The following ZRANB3 variants were observed in gnomAD, a reference collection of about 807,000 sequenced individuals.
ZRANB3 encodes the protein DNA annealing helicase and endonuclease ZRANB3.
A neutral mutation model predicts 133.8 loss-of-function variants in ZRANB3; 125 were observed. That is an observed-to-expected ratio of 0.93 (90% CI 0.81 to 1.08). The LOEUF (loss-of-function observed/expected upper bound fraction) is 1.08, where lower values mean the gene tolerates loss of function less well. Among genes scored for constraint, ZRANB3 ranks in the 50% least tolerant of loss-of-function variants. The probability of loss-of-function intolerance (pLI) is 0.00; values close to 1 mark genes in which losing one functional copy is unlikely to be tolerated. For synonymous variants in ZRANB3, 387 were observed against 432.7 expected, an observed-to-expected ratio of 0.89 and a Z score of 1.31; for missense variants, 1,229 against 1,275.5, an observed-to-expected ratio of 0.96 and a Z score of 0.56.
intron 2 of ZRANB3, among the ~76,000 whole-genome samples, chr2:135,416,902 C>A (rs1244721313): frequency 1.3e-5 from 2 of 152,032 alleles, no homozygotes; most frequent in South Asian, 2.1e-4. Flanking sequence ...AACTGGCTAG[C>A]CATATGTAAA....
chr2:135,522,475 G>A (rs1347668053), intron 1 of ZRANB3, among the ~76,000 whole-genome samples: 1 of 152,134 alleles, frequency 6.6e-6, no homozygotes. Flanking sequence ...CCAACAGGGA[G>A]AAAAAAGCCA....
intron 12 of ZRANB3, among the ~76,000 whole-genome samples, chr2:135,251,260 T>A (rs935835497): frequency 6.6e-5 from 10 of 152,226 alleles, no homozygotes; most frequent in Admixed American, 6.5e-4. Flanking sequence ...CCATTGTATC[T>A]AGGAAGTAAC....
At chr2:135,349,484 C>G (rs116786481) in intron 5 of ZRANB3, among the ~76,000 whole-genome samples, 2,556 of 152,260 alleles carry the variant, frequency 0.017, 75 homozygotes, top group African/African-American at 0.058. Context: ...CAAACACATG[C>G]CTTATTCTTT....
intron 2 of ZRANB3, among the ~76,000 whole-genome samples, chr2:135,448,352 C>T (rs1045222587): frequency 3.3e-5 from 5 of 152,094 alleles, no homozygotes; most frequent in Non-Finnish European, 7.4e-5. Context: ...TCTGAACAGC[C>T]GCTATACATT....
intron 2 of ZRANB3, among the ~76,000 whole-genome samples, chr2:135,394,485 C>G (rs570583711): frequency 1.3e-5 from 2 of 151,726 alleles, no homozygotes; most frequent in Non-Finnish European, 2.9e-5. Context: ...AGATGGGAAG[C>G]TGAAATTAAA....
intron 2 of ZRANB3, among the ~76,000 whole-genome samples, chr2:135,427,488 A>G (rs1396757603): frequency 6.6e-6 from 1 of 152,196 alleles, no homozygotes; most frequent in African/African-American, 2.4e-5. Flanking sequence ...TAAAATACCT[A>G]GGAATACAGC....
At chr2:135,349,357 G>GCCTC (rs1164028939) in intron 5 of ZRANB3, among the ~76,000 whole-genome samples, 2 of 152,188 alleles carry the variant, frequency 1.3e-5, no homozygotes, top group African/African-American at 4.8e-5. Context: ...AGTAAACAGA[G>GCCTC]CCTCCTTAAA....
Position 135,426,612 on chromosome 2 carries a change from G to A in ZRANB3, c.162-35792C>T, listed in dbSNP as rs374438496. Among the ~76,000 whole-genome samples, 8 of 151,388 alleles carry A rather than the reference G, an allele frequency of 5.3e-5. No homozygotes were observed. The East Asian group carries it at 7.8e-4, about 15-fold the overall frequency. ...TGGGAGGCTGGGGCGGGCGGATCAC[G>A]AGGTCAGGAGATGGAGAATATCCTG... On this transcript the variant is annotated intron_variant, in intron 2 of 20. Transcript: ENST00000264159.
chr2:135,238,244 A>G (rs1695391212), intron 12 of ZRANB3, among the ~76,000 whole-genome samples: 1 of 152,200 alleles, frequency 6.6e-6, no homozygotes, highest in Non-Finnish European at 1.5e-5. Flanking sequence ...GGTCACACCA[A>G]TTCTTATGTC....
rs187053302 is a variant in ZRANB3 at position 135,472,585 on chromosome 2, T to C, written c.161+31744A>G. On this transcript the variant is annotated intron_variant, in intron 2 of 20. Transcript: ENST00000264159. The stretch of plus-strand genomic sequence containing the variant: ...TTGCATTGTCACTATTTGACTTTTT[T>C]CCCCCAGTCTTGCATTATGACATGT... 2.6e-3 allele frequency among the ~76,000 whole-genome samples: 398 copies of C among 152,176 alleles called. 1 individual carries two copies. The highest frequency in any genetic ancestry group is 8.9e-3 in the African/African-American group (368 of 41,512).
chr2:135,199,609 C>T lies in ZRANB3; in HGVS notation c.*733G>A, dbSNP rs1693537210. ...GCCACCGCGCCCAGCCAACAGTAAG[C>T]CTAGTTTTATTCATTTTTTAAAAAA... On this transcript the variant is annotated 3_prime_UTR_variant, in exon 21 of 21. Coordinates refer to ENST00000264159, the MANE Select transcript of ZRANB3 (RefSeq NM_032143.4). 1 of 152,010 alleles carries T rather than the reference C, an allele frequency of 6.6e-6. No homozygotes were observed. The allele number at this position is 152,010 out of a possible 1,614,324, so 9.4% of individuals were successfully genotyped here.
intron 2 of ZRANB3, among the ~76,000 whole-genome samples, chr2:135,406,516 A>G (rs192376329): frequency 1.3e-3 from 201 of 152,242 alleles, no homozygotes; most frequent in African/African-American, 4.6e-3. Flanking sequence ...GAGACAAAAC[A>G]AAAAAAGAGA....
chr2:135,350,466 C>T (rs572530836), intron 4 of ZRANB3, among the ~76,000 whole-genome samples: 8 of 152,166 alleles, frequency 5.3e-5, no homozygotes, highest in Non-Finnish European at 1.0e-4. Context: ...ATTTTGACAT[C>T]CAGCAAGCCA....
rs539779827 is a variant in ZRANB3 at position 135,360,150 on chromosome 2, G to A, written c.181-6522C>T. ...TCCCAGCACTTTGGGAGGCTGAGGC[G>A]GGTGGGTCACCTGAGGTCAGGAGTT... On this transcript the variant is annotated intron_variant, in intron 3 of 20. Transcript: ENST00000264159. Among the ~76,000 whole-genome samples the A allele has an allele frequency of 3.6e-4, 54 of 151,852 alleles. No individual in the cohort carries two copies. In the East Asian group the frequency reaches 6.8e-3, roughly 19 times the overall value.
At chr2:135,263,647 T>C (rs1271298876) in intron 12 of ZRANB3, among the ~76,000 whole-genome samples, 4 of 152,080 alleles carry the variant, frequency 2.6e-5, no homozygotes, top group African/African-American at 9.7e-5. Flanking sequence ...CAGAGAATTA[T>C]AAGGATGTGT....
chr2:135,348,207 C>A (rs55991564), intron 5 of ZRANB3, among the ~76,000 whole-genome samples: 1 of 150,630 alleles, frequency 6.6e-6, no homozygotes, highest in Admixed American at 6.6e-5. Context: ...TGCTGTGAGC[C>A]GAGATCATGC....
intron 8 of ZRANB3, among the ~76,000 whole-genome samples, chr2:135,294,965 T>A (rs527646900): frequency 2.2e-4 from 33 of 152,278 alleles, no homozygotes; most frequent in South Asian, 8.3e-4. Context: ...TGAGAGAGAG[T>A]TTGTTATAAT....
chr2:135,411,296 T>A (rs1299167366), intron 2 of ZRANB3, among the ~76,000 whole-genome samples: 1 of 152,022 alleles, frequency 6.6e-6, no homozygotes, highest in Non-Finnish European at 1.5e-5. Context: ...AGAGAACACT[T>A]ATACACTGCT....
At chr2:135,444,875 A>G (rs1689945781) in intron 2 of ZRANB3, among the ~76,000 whole-genome samples, 1 of 152,194 alleles carries the variant, frequency 6.6e-6, no homozygotes, top group Non-Finnish European at 1.5e-5. Flanking sequence ...AGAAGAAAAC[A>G]TATGTCTCAA....
Sources: gnomAD v4.1 joint callset for allele counts (sites outside exome capture counted in the v4.1 genomes callset) on GRCh38, gnomAD v4.1.1 for gene constraint, MANE v1.5 for transcripts, NCBI Gene and HGNC (gene_info 2026-07-23, HGNC 2026-07-21) for gene names.